The following FUCA1 variants were observed in gnomAD, a reference collection of about 807,000 sequenced individuals.
FUCA1 encodes alpha-L-fucosidase 1, also known as tissue alpha-L-fucosidase.
A neutral mutation model predicts 56.8 loss-of-function variants in FUCA1; 52 were observed. That is an observed-to-expected ratio of 0.92 (90% CI 0.73 to 1.15). The LOEUF (loss-of-function observed/expected upper bound fraction) is 1.15, where lower values mean the gene tolerates loss of function less well. Ranked by LOEUF, FUCA1 falls within the 50% of genes most tolerant of loss-of-function variation. The pLI, the probability that FUCA1 is intolerant of heterozygous loss-of-function variation, is 0.00. For missense variants in FUCA1, 568 were observed against 592.6 expected, an observed-to-expected ratio of 0.96 and a Z score of 0.43; for synonymous variants, 230 against 226.6, an observed-to-expected ratio of 1.02 and a Z score of -0.14.
intron 6 of FUCA1, among the ~76,000 whole-genome samples, chr1:23,847,187 T>C (rs1293204034): frequency 6.6e-6 from 1 of 152,230 alleles, no homozygotes; most frequent in Non-Finnish European, 1.5e-5. Context: ...TTAAGTTGTC[T>C]TTAAAAATTA....
At position 23,868,283 on chromosome 1, in the gene FUCA1, G is replaced by C. The variant is rs2070955; in HGVS notation, c.4C>G (p.Arg2Gly). Residue 2 changes from arginine to glycine, a missense_variant, in exon 1 of 8, where the codon CGG (arginine) becomes GGG (glycine). By Grantham distance (125) the Arg-to-Gly change is moderately radical. Transcript: ENST00000374479. M[R>G]APGMRSRPAG... ...GGCCGCGACCTCATCCCCGGAGCCC[G>C]CATCGCTACCCCTCAGCGACGCGGC... is the stretch of plus-strand genomic sequence containing the variant. 6 of 1,547,490 alleles carry C rather than the reference G, an allele frequency of 3.9e-6. No homozygotes were observed. The South Asian group carries it at 4.7e-5, about 12-fold the overall frequency.
intron 4 of FUCA1, 94 bp from the exon 5 acceptor site, chr1:23,854,654 ACTTAGT>A: frequency 9.2e-7 from 1 of 1,085,794 alleles, no homozygotes; most frequent in Non-Finnish European, 1.4e-6. Flanking sequence ...GAAGCAAGAA[ACTTAGT>A]CTAGAGCAGT....
chr1:23,849,139 C>T (rs1368904783), intron 5 of FUCA1, among the ~76,000 whole-genome samples: 1 of 152,038 alleles, frequency 6.6e-6, no homozygotes, highest in East Asian at 1.9e-4. Flanking sequence ...TGCGCCACCA[C>T]ATCCAGCTAA....
At chr1:23,852,707 A>T (rs1639290073) in intron 5 of FUCA1, among the ~76,000 whole-genome samples, 1 of 152,082 alleles carries the variant, frequency 6.6e-6, no homozygotes, top group Non-Finnish European at 1.5e-5. Flanking sequence ...CCAGCTCCTA[A>T]CTGCGAGTGA....
At chr1:23,859,545 G>A (rs1639463108) in intron 4 of FUCA1, among the ~76,000 whole-genome samples, 1 of 150,348 alleles carries the variant, frequency 6.7e-6, no homozygotes, top group African/African-American at 2.5e-5. Flanking sequence ...CAGCCTGGGT[G>A]ACAGAGTGAG....
chr1:23,846,649 T>C (rs928752878), intron 6 of FUCA1, among the ~76,000 whole-genome samples: 6 of 151,994 alleles, frequency 3.9e-5, no homozygotes, highest in Admixed American at 6.6e-5. Context: ...TGGCGTGATC[T>C]TGGCTCACTA....
chr1:23,854,163 T>C (rs1252029058), intron 5 of FUCA1, among the ~76,000 whole-genome samples, 197 bp downstream of exon 5: 1 of 152,006 alleles, frequency 6.6e-6, no homozygotes, highest in Non-Finnish European at 1.5e-5. Flanking sequence ...TAAAGCCCTT[T>C]TGCATGCCCT....
rs116414369 is a variant in FUCA1 at position 23,867,146 on chromosome 1, T to C, written c.389+752A>G. On this transcript the variant is annotated intron_variant, in intron 1 of 7. Transcript: ENST00000374479. This position sits in a 1 kb window ranked among gnomAD's most constrained non-coding sequence, Gnocchi z 4.9. ...CCGAATGAATCTTTCTAGAAGCTGA[T>C]AGTAACCACTCCCTGACTTAACATC... Among the ~76,000 whole-genome samples, 363 of 152,290 alleles carry C rather than the reference T, an allele frequency of 2.4e-3. 2 individuals are homozygous for C. The highest frequency in any genetic ancestry group is 8.2e-3 in the African/African-American group (340 of 41,562).
Position 23,845,801 on chromosome 1 carries a change from C to A in FUCA1, c.1315G>T (p.Gly439Cys). 1.2e-6 allele frequency: 2 copies of A among 1,614,140 alleles called. No homozygotes were observed. Among genetic ancestry groups the A allele is most frequent in the Non-Finnish European group, 1.7e-6 (2 of 1,179,996 alleles). ...AACTGGGGTAGAGAGATGAAGAGAC[C>A]TTTATCTGGATCTGTGGACCACTTC... is the stretch of plus-strand genomic sequence containing the variant. ...DLKWSTDPDK[G>C]LFISLPQLPP... The change falls in exon 8 of 8, where the codon GGT becomes TGT. Residue 439 changes from glycine to cysteine, a missense_variant. Gly to Cys is a radical substitution (Grantham distance 159, BLOSUM62 -3). Transcript: ENST00000374479.
At chr1:23,856,070 C>A (rs1639383068) in intron 4 of FUCA1, among the ~76,000 whole-genome samples, 1 of 152,184 alleles carries the variant, frequency 6.6e-6, no homozygotes, top group South Asian at 2.1e-4. Flanking sequence ...GGCTCCACCA[C>A]CTAGTAGTCA....
chr1:23,846,022 T>A, intron 7 of FUCA1, 52 bp downstream of exon 7: 1 of 1,519,070 alleles, frequency 6.6e-7, no homozygotes, highest in Non-Finnish European at 9.1e-7. Context: ...AGGAAGGATC[T>A]GCCAATTCCT....
intron 3 of FUCA1, among the ~76,000 whole-genome samples, chr1:23,860,833 T>C (rs1310482787): frequency 6.6e-6 from 1 of 151,642 alleles, no homozygotes; most frequent in African/African-American, 2.4e-5. Context: ...CAGACAGTGT[T>C]TTGCCATCTT....
chr1:23,849,509 T>C (rs1426073382), intron 5 of FUCA1, among the ~76,000 whole-genome samples: 1 of 151,798 alleles, frequency 6.6e-6, no homozygotes, highest in East Asian at 1.9e-4. Flanking sequence ...AGGACATTCC[T>C]TACGCATTGG....
intron 3 of FUCA1, among the ~76,000 whole-genome samples, chr1:23,862,443 A>G (rs913985737): frequency 2.0e-5 from 3 of 152,224 alleles, no homozygotes; most frequent in African/African-American, 7.2e-5. Flanking sequence ...CTGGGATTAC[A>G]GGCGTAAGCC....
chr1:23,849,890 A>T (rs1270072459), intron 5 of FUCA1, among the ~76,000 whole-genome samples: 1 of 152,056 alleles, frequency 6.6e-6, no homozygotes, highest in Admixed American at 6.6e-5. Context: ...CAAGAGATAC[A>T]TTCTTTAAGA....
chr1:23,863,200 T>G lies in FUCA1; in HGVS notation c.596A>C (p.Asn199Thr). ...GACAAAATGCTGTGTTTTGAAGCCA[T>G]TTTTCTTATCAAGTAGATAGAGTGG... The part of the protein sequence containing the change: ...FHPLYLLDKK[N>T]GFKTQHFVSA... The change falls in exon 3 of 8, where the codon AAT (asparagine) becomes ACT (threonine). Residue 199 changes from asparagine (N) to threonine (T), a missense_variant. Transcript: ENST00000374479. The G allele has an allele frequency of 1.9e-6, 3 of 1,613,852 alleles. No individual in the cohort carries two copies. Among genetic ancestry groups the G allele is most frequent in the Non-Finnish European group, 2.5e-6 (3 of 1,179,924 alleles).
At chr1:23,859,971 T>A in intron 3 of FUCA1, 68 bp from the exon 4 acceptor site, 1 of 442,570 alleles carries the variant, frequency 2.3e-6, no homozygotes. Context: ...TTATGGACCA[T>A]TTTTTTTTTT....
intron 5 of FUCA1, among the ~76,000 whole-genome samples, chr1:23,853,704 T>C (rs1221617627): frequency 6.6e-6 from 1 of 150,628 alleles, no homozygotes; most frequent in South Asian, 2.1e-4. Flanking sequence ...AGACTTTTCA[T>C]TTTGTTCTGT....
At position 23,867,989 on chromosome 1, in the gene FUCA1, C is replaced by T. The variant is rs1318482406; in HGVS notation, c.298G>A (p.Gly100Ser). The change falls in exon 1 of 8, where the codon GGC (glycine) becomes AGC (serine). Residue 100 changes from glycine (G) to serine (S), a missense_variant. Gly to Ser is a moderately conservative substitution (Grantham distance 56). Transcript: ENST00000374479. The surrounding 1 kb of genome is among the most constrained non-coding windows in gnomAD (Gnocchi z 4.9). ...QRFMRDNYPP[G>S]FSYADFGPQF... is the part of the protein sequence containing the mutation. ...GGTCCGAAGTCGGCGTAGCTGAAGC[C>T]GGGCGGGTAGTTGTCGCGCATGAAG... 1.2e-6 allele frequency: 2 copies of T among 1,602,280 alleles called. No individual in the cohort carries two copies. Among genetic ancestry groups the T allele is most frequent in the Admixed American group, 1.7e-5 (1 of 57,998 alleles).
Sources: gnomAD v4.1 joint callset for allele counts (sites outside exome capture counted in the v4.1 genomes callset) on GRCh38, gnomAD v4.1.1 for gene constraint, Gnocchi (gnomAD v3.1) non-coding constraint, MANE v1.5 for transcripts, NCBI Gene and HGNC (gene_info 2026-07-23, HGNC 2026-07-21) for gene names.